The following AK8 variants were observed in gnomAD, a reference collection of about 807,000 sequenced individuals.
The protein encoded by AK8 is ATP-AMP transphosphorylase 8.
A neutral mutation model predicts 54.6 loss-of-function variants in AK8; 44 were observed. The observed-to-expected ratio is 0.81, with a 90% CI of 0.63 to 1.04. The LOEUF (loss-of-function observed/expected upper bound fraction) is 1.04. Among genes scored for constraint, AK8 ranks in the 50% least tolerant of loss-of-function variants. The pLI, the probability that AK8 is intolerant of heterozygous loss-of-function variation, is 0.00. For missense variants in AK8, 555 were observed against 613.6 expected, an observed-to-expected ratio of 0.90 and a Z score of 1.01; for synonymous variants, 239 against 245.6, an observed-to-expected ratio of 0.97 and a Z score of 0.25.
chr9:132,813,787 G>A lies in AK8; in HGVS notation c.979+851C>T, dbSNP rs964772527. On this transcript the variant is annotated intron_variant, in intron 10 of 12. Transcript: ENST00000298545. Reference sequence around the variant, plus strand: ...TTACTGTGGGTCAGATCCTAGGAAAGCTTTCAGACTGTGGATCACAGAGGG... The same window carrying A: ...TTACTGTGGGTCAGATCCTAGGAAAACTTTCAGACTGTGGATCACAGAGGG... Among the ~76,000 whole-genome samples, 3 of 152,194 alleles carry A rather than the reference G, an allele frequency of 2.0e-5. No individual in the cohort carries two copies. The East Asian group carries it at 5.8e-4, about 29-fold the overall frequency.
intron 1 of AK8, among the ~76,000 whole-genome samples, chr9:132,875,881 G>C (rs764904706): frequency 2.6e-5 from 4 of 152,216 alleles, no homozygotes; most frequent in Non-Finnish European, 5.9e-5. Flanking sequence ...TGTCTCTCCA[G>C]AATGGAACAG....
chr9:132,839,285 CAACT>C (rs1315231621), intron 5 of AK8, among the ~76,000 whole-genome samples: 2 of 152,170 alleles, frequency 1.3e-5, no homozygotes, highest in Non-Finnish European at 2.9e-5. Flanking sequence ...TGCTCTTCAC[CAACT>C]GTGTCTTGGC....
In AK8 at chr9:132,820,913, T is replaced by C. The variant is rs1346209697; in HGVS notation, c.889+2292A>G. On this transcript the variant is annotated intron_variant, in intron 9 of 12. Coordinates refer to ENST00000298545, the MANE Select transcript of AK8 (RefSeq NM_152572.3). ...CTTAGGTCTCTTAAATGGGTTTACT[T>C]AAATCTCATGACATCTTGTATTTAT... is the stretch of plus-strand genomic sequence containing the variant. 2.6e-5 allele frequency among the ~76,000 whole-genome samples: 4 copies of C among 152,304 alleles called. No individual in the cohort carries two copies. In the East Asian group the frequency reaches 7.7e-4, roughly 29 times the overall value.
chr9:132,742,441 G>A (rs1187070313), intron 11 of AK8, among the ~76,000 whole-genome samples: 1 of 152,168 alleles, frequency 6.6e-6, no homozygotes, highest in East Asian at 1.9e-4. Context: ...CAAAGTACTG[G>A]GATTACAGGC....
chr9:132,870,764 G>A (rs1588240683), intron 2 of AK8, among the ~76,000 whole-genome samples: 3 of 152,208 alleles, frequency 2.0e-5, no homozygotes, highest in Non-Finnish European at 2.9e-5. Context: ...AAGAGGAAGG[G>A]TTGAGGTCCT....
Position 132,748,186 on chromosome 9 carries a change from C to T in AK8, c.1122-20652G>A, listed in dbSNP as rs577452597. 2.0e-4 allele frequency among the ~76,000 whole-genome samples: 30 copies of T among 151,706 alleles called. 1 individual carries two copies. In the South Asian group the frequency reaches 5.8e-3, roughly 29 times the overall value. ...AAAGTGTGCATTTTCAGCTACAGGA[C>T]CAACATAATGGTGATAACACGTAGA... On this transcript the variant is annotated intron_variant, in intron 11 of 12. Coordinates refer to ENST00000298545, the MANE Select transcript of AK8 (RefSeq NM_152572.3).
In AK8 at chr9:132,828,070, G is replaced by T; in HGVS notation, c.499C>A (p.Pro167Thr). ...TTTCTCTCGATCAGGACCGTGTCTGGAGCACTCAGCACAACTGGGCAGAGA... is the reference window on the plus strand; with the variant it reads ...TTTCTCTCGATCAGGACCGTGTCTGTAGCACTCAGCACAACTGGGCAGAGA... ...TPRHVIVLSAPDTVLIERNLG... is the reference protein window; with the variant it reads ...TPRHVIVLSATDTVLIERNLG... Residue 167 changes from proline to threonine, a missense_variant, in exon 7 of 13, where the codon CCA (proline) becomes ACA (threonine). Pro to Thr is a conservative substitution (Grantham distance 38). Coordinates refer to ENST00000298545, the MANE Select transcript of AK8 (RefSeq NM_152572.3). The T allele has an allele frequency of 6.4e-7, 1 of 1,572,558 alleles. No homozygotes were observed.
At chr9:132,769,185 C>A (rs1838850695) in intron 11 of AK8, 1 of 152,286 alleles carries the variant, frequency 6.6e-6, no homozygotes, top group Admixed American at 6.5e-5. Context: ...GCTGAAGAGA[C>A]AGAGCCGTCC....
chr9:132,863,739 T>C lies in AK8; in HGVS notation c.259A>G (p.Thr87Ala), dbSNP rs1238197007. The C allele has an allele frequency of 5.6e-6, 9 of 1,613,942 alleles. No individual in the cohort carries two copies. In the Admixed American group the frequency reaches 1.5e-4, roughly 27 times the overall value. ...LCKHLNSSLL[T>A]LENLILNEFS... ...TCATTTAAGATCAGGTTCTCCAGGG[T>C]GAGGAGACTGCTGTTCAGATGTTTG... is the stretch of plus-strand genomic sequence containing the variant. The change falls in exon 4 of 13, where the codon ACC (threonine) becomes GCC (alanine). Residue 87 changes from threonine (T) to alanine (A), a missense_variant. Physicochemically the swap from Thr to Ala is moderately conservative, Grantham distance 58 (BLOSUM62 0). Transcript: ENST00000298545.
intron 11 of AK8, among the ~76,000 whole-genome samples, chr9:132,729,388 G>A (rs982583155): frequency 6.6e-6 from 1 of 152,192 alleles, no homozygotes; most frequent in Non-Finnish European, 1.5e-5. Flanking sequence ...CCCTGCCTGG[G>A]ACAGTGTGTG....
In AK8 at chr9:132,725,760, G is replaced by T. The variant is rs1836532633; in HGVS notation, c.1368C>A (p.Asp456Glu). ...LYGSAITLNG[D>E]QDPYTVFEYI... ...ATTCGAAGACTGTGTATGGGTCCTG[G>T]TCCCCATTGAGGGTGATGGCCGACC... is the stretch of plus-strand genomic sequence containing the variant. The change falls in exon 13 of 13, where the codon GAC becomes GAA. Residue 456 changes from aspartate to glutamate, a missense_variant. Asp to Glu is a conservative substitution (Grantham distance 45). Transcript: ENST00000298545. 1 of 1,597,646 alleles carries T rather than the reference G, an allele frequency of 6.3e-7. No homozygotes were observed.
chr9:132,863,439 T>C (rs1843468502), intron 4 of AK8, among the ~76,000 whole-genome samples: 1 of 152,248 alleles, frequency 6.6e-6, no homozygotes, highest in South Asian at 2.1e-4. Context: ...CCCGTGATCC[T>C]TTCCCACTGC....
At chr9:132,726,029 C>T in intron 12 of AK8, 104 bp from the exon 13 acceptor site, 1 of 923,450 alleles carries the variant, frequency 1.1e-6, no homozygotes, top group Non-Finnish European at 1.7e-6. Context: ...GTCCTGGCCA[C>T]CACCACCATC....
intron 5 of AK8, among the ~76,000 whole-genome samples, chr9:132,848,007 T>C (rs1022722592): frequency 3.3e-5 from 5 of 150,566 alleles, no homozygotes; most frequent in African/African-American, 4.9e-5. Flanking sequence ...TCCCAGCTAC[T>C]CAGGAAGCGG....
chr9:132,832,951 T>TA (rs1471246204), intron 5 of AK8, among the ~76,000 whole-genome samples: 2 of 152,126 alleles, frequency 1.3e-5, no homozygotes, highest in Non-Finnish European at 2.9e-5. Context: ...GGGGAAATGG[T>TA]ACGATCACCT....
chr9:132,805,641 A>C (rs1302600360), intron 10 of AK8, among the ~76,000 whole-genome samples: 1 of 152,130 alleles, frequency 6.6e-6, no homozygotes, highest in African/African-American at 2.4e-5. Flanking sequence ...AAAAAATCAA[A>C]GAGAAGGACC....
chr9:132,860,269 A>C lies in AK8; in HGVS notation c.333+3396T>G, dbSNP rs1242623893. ...ACACCATCTCCTCGGCGAGATTTAT[A>C]ACTCTGGCTGGCCTGGTGGAATCCT... On this transcript the variant is annotated intron_variant, in intron 4 of 12. Transcript: ENST00000298545. This position sits in a 1 kb window ranked among gnomAD's most constrained non-coding sequence, Gnocchi z 4.4. 2.2e-5 allele frequency among the ~76,000 whole-genome samples: 3 copies of C among 133,690 alleles called. No homozygotes were observed. The highest frequency in any genetic ancestry group is 6.9e-5 in the Admixed American group (1 of 14,482). The allele number at this position is 133,690 out of a possible 152,430, so 87.7% of individuals were successfully genotyped here. A position where few individuals can be genotyped will look rare whatever the true frequency, so the allele number is the denominator to read the frequency against.
At chr9:132,765,313 A>AAAAAAG (rs1282305418) in intron 11 of AK8, among the ~76,000 whole-genome samples, 2 of 150,840 alleles carry the variant, frequency 1.3e-5, no homozygotes, top group African/African-American at 2.4e-5. Flanking sequence ...AAAAAAAAAA[A>AAAAAAG]AGAGAATTCA....
At chr9:132,753,366 T>C (rs1838040483) in intron 11 of AK8, among the ~76,000 whole-genome samples, 1 of 152,258 alleles carries the variant, frequency 6.6e-6, no homozygotes, top group Non-Finnish European at 1.5e-5. Flanking sequence ...ACCCTCTGCC[T>C]GGCCCCAGTG....
Sources: gnomAD v4.1 joint callset for allele counts (sites outside exome capture counted in the v4.1 genomes callset) on GRCh38, gnomAD v4.1.1 for gene constraint, Gnocchi (gnomAD v3.1) non-coding constraint, MANE v1.5 for transcripts, NCBI Gene and HGNC (gene_info 2026-07-23, HGNC 2026-07-21) for gene names.